Variants in GPR39 observed in about 807,000 individuals in gnomAD.
The protein encoded by GPR39 is zinc sensing receptor.
A neutral mutation model predicts 18.4 loss-of-function variants in GPR39; 23 were observed. The observed-to-expected ratio is 1.25, with a 90% CI of 0.90 to 1.77. GPR39 has a LOEUF of 1.77. Ranked by LOEUF, GPR39 falls within the 40% of genes most tolerant of loss-of-function variation. The pLI, the probability that GPR39 is intolerant of heterozygous loss-of-function variation, is 0.00. For missense variants in GPR39, 647 were observed against 602.4 expected, an observed-to-expected ratio of 1.07 and a Z score of -0.78; for synonymous variants, 280 against 257.9, an observed-to-expected ratio of 1.09 and a Z score of -0.82.
intron 1 of GPR39, among the ~76,000 whole-genome samples, chr2:132,424,635 A>G (rs542590122): frequency 6.6e-6 from 1 of 152,184 alleles, no homozygotes; most frequent in Non-Finnish European, 1.5e-5. Context: ...ATGAAACCAT[A>G]GCTAAGGGGT....
intron 1 of GPR39, among the ~76,000 whole-genome samples, chr2:132,473,044 G>T (rs1193632240): frequency 6.6e-6 from 1 of 152,106 alleles, no homozygotes; most frequent in East Asian, 1.9e-4. Flanking sequence ...TTGTGCCACT[G>T]CCTGAACCTG....
chr2:132,582,545 G>A (rs1680643167), intron 1 of GPR39, among the ~76,000 whole-genome samples: 1 of 152,162 alleles, frequency 6.6e-6, no homozygotes, highest in Non-Finnish European at 1.5e-5. Context: ...GACTTGGCCA[G>A]CCCACTCTCC....
At chr2:132,609,304 G>T (rs1289911660) in intron 1 of GPR39, among the ~76,000 whole-genome samples, 1 of 152,154 alleles carries the variant, frequency 6.6e-6, no homozygotes, top group Non-Finnish European at 1.5e-5. Flanking sequence ...GTGCTCAGAG[G>T]GACTATTTAC....
At chr2:132,454,460 G>T (rs1241503359) in intron 1 of GPR39, among the ~76,000 whole-genome samples, 2 of 152,106 alleles carry the variant, frequency 1.3e-5, no homozygotes, top group African/African-American at 4.8e-5. Flanking sequence ...TTTCCTAATT[G>T]AATACCCTTT....
At chr2:132,500,565 T>C (rs964065056) in intron 1 of GPR39, among the ~76,000 whole-genome samples, 6 of 152,198 alleles carry the variant, frequency 3.9e-5, no homozygotes, top group African/African-American at 1.4e-4. Context: ...CCTTTCCTGA[T>C]TTGGTATTAG....
At chr2:132,454,134 G>T (rs1251696342) in intron 1 of GPR39, among the ~76,000 whole-genome samples, 1 of 152,142 alleles carries the variant, frequency 6.6e-6, no homozygotes, top group Non-Finnish European at 1.5e-5. Flanking sequence ...TCTTCCATTT[G>T]TTTGTGTCCT....
At chr2:132,490,092 C>T (rs1158769817) in intron 1 of GPR39, among the ~76,000 whole-genome samples, 1 of 151,966 alleles carries the variant, frequency 6.6e-6, no homozygotes, top group Middle Eastern at 3.4e-3. Context: ...TCTGCCAAAG[C>T]CTGGCTCACT....
intron 1 of GPR39, among the ~76,000 whole-genome samples, chr2:132,477,564 TA>T (rs1426328274): frequency 4.7e-5 from 7 of 150,388 alleles, no homozygotes; most frequent in East Asian, 3.9e-4. Flanking sequence ...AGACCTTGTC[TA>T]AAAAAAAAGA....
At chr2:132,476,183 C>G (rs1268922990) in intron 1 of GPR39, among the ~76,000 whole-genome samples, 1 of 152,146 alleles carries the variant, frequency 6.6e-6, no homozygotes, top group African/African-American at 2.4e-5. Flanking sequence ...CTAGTAGTGT[C>G]ATGTCATTTA....
intron 1 of GPR39, among the ~76,000 whole-genome samples, chr2:132,443,074 A>T (rs916255865): frequency 2.6e-5 from 4 of 152,180 alleles, no homozygotes; most frequent in Non-Finnish European, 5.9e-5. Flanking sequence ...TTTAATTTTC[A>T]TTTACATTTT....
intron 1 of GPR39, among the ~76,000 whole-genome samples, chr2:132,566,367 T>G (rs1427056495): frequency 1.3e-5 from 2 of 151,428 alleles, no homozygotes; most frequent in South Asian, 4.2e-4. Flanking sequence ...TTCACTCTGA[T>G]GGTAGTTTCT....
intron 1 of GPR39, among the ~76,000 whole-genome samples, chr2:132,494,846 T>C (rs1681608721): frequency 6.6e-6 from 1 of 152,186 alleles, no homozygotes; most frequent in South Asian, 2.1e-4. Flanking sequence ...TTTCTTCAAA[T>C]ATTTTTTGGA....
intron 1 of GPR39, among the ~76,000 whole-genome samples, chr2:132,531,829 C>T (rs1169521330): frequency 6.6e-6 from 1 of 152,182 alleles, no homozygotes; most frequent in East Asian, 1.9e-4. Context: ...ATACCAGAAT[C>T]TCTGGGACAC....
chr2:132,503,835 A>T (rs1206542045), intron 1 of GPR39, among the ~76,000 whole-genome samples: 1 of 152,130 alleles, frequency 6.6e-6, no homozygotes, highest in Non-Finnish European at 1.5e-5. Flanking sequence ...CAGGCAGATT[A>T]TGGCTGCCTC....
chr2:132,471,370 T>C (rs993851460), intron 1 of GPR39, among the ~76,000 whole-genome samples: 23 of 151,886 alleles, frequency 1.5e-4, no homozygotes, highest in Non-Finnish European at 3.2e-4. Flanking sequence ...GTGCCTAAAG[T>C]GGCCACATGG....
At chr2:132,564,331 A>G (rs982400779) in intron 1 of GPR39, among the ~76,000 whole-genome samples, 1 of 152,070 alleles carries the variant, frequency 6.6e-6, no homozygotes, top group Admixed American at 6.6e-5. Context: ...ATGAGTGGCC[A>G]CCCCTCCCAG....
chr2:132,470,363 G>A (rs1007673695), intron 1 of GPR39, among the ~76,000 whole-genome samples: 39 of 152,252 alleles, frequency 2.6e-4, no homozygotes, highest in African/African-American at 8.4e-4. Context: ...AACAAGTCTT[G>A]AGGAGGTGAG....
At chr2:132,596,745 A>G (rs2104837066) in intron 1 of GPR39, among the ~76,000 whole-genome samples, 1 of 152,288 alleles carries the variant, frequency 6.6e-6, no homozygotes, top group South Asian at 2.1e-4. Context: ...ATATCACCCG[A>G]GAAGTTTTAA....
intron 1 of GPR39, among the ~76,000 whole-genome samples, chr2:132,620,054 A>C (rs1681412881): frequency 6.6e-6 from 1 of 152,130 alleles, no homozygotes; most frequent in African/African-American, 2.4e-5. Flanking sequence ...GGGGCTTTCA[A>C]GCCTTTATTG....
Sources: allele counts gnomAD v4.1 joint callset (sites outside exome capture counted in the v4.1 genomes callset), GRCh38; gene constraint gnomAD v4.1.1; transcripts MANE v1.5; gene names NCBI Gene and HGNC (gene_info 2026-07-23, HGNC 2026-07-21).